Variants in DNAH11 observed in about 807,000 individuals in gnomAD.
DNAH11 encodes the protein axonemal beta dynein heavy chain 11.
DNAH11 carries 442 observed loss-of-function variants against 526.0 expected under a neutral mutation model. The ratio of observed to expected loss-of-function variants is 0.84; its 90% CI spans 0.78 to 0.91. The LOEUF (loss-of-function observed/expected upper bound fraction) is 0.91. Among genes scored for constraint, DNAH11 ranks in the 40% least tolerant of loss-of-function variants. The probability of loss-of-function intolerance (pLI) is 0.00; values close to 1 mark genes in which losing one functional copy is unlikely to be tolerated. For synonymous variants in DNAH11, 2,461 were observed against 1,935.9 expected (o/e 1.27, Z -7.12); for missense variants, 6,989 against 5,448.7 (o/e 1.28, Z -8.90).
Position 21,853,484 on chromosome 7 carries a change from T to A in DNAH11, c.11062-831T>A, listed in dbSNP as rs144071279. On this transcript the variant is annotated intron_variant, in intron 67 of 81. Coordinates refer to ENST00000409508, the MANE Select transcript of DNAH11 (RefSeq NM_001277115.2). The stretch of plus-strand genomic sequence containing the variant: ...AAGTAAATTAACTTAGCTTTGAAGT[T>A]AACTTCTAATTGTCTCTTAAAATGT... Among the ~76,000 whole-genome samples the A allele has an allele frequency of 3.2e-4, 48 of 152,356 alleles. 2 individuals carry two copies. The highest frequency in any genetic ancestry group is 2.5e-3 in the Admixed American group (39 of 15,306).
In DNAH11 at chr7:21,894,893, GC is replaced by G; in HGVS notation, c.12944del (p.Ala4315AspfsTer13). 1 of 1,613,920 alleles carries G rather than the reference GC, an allele frequency of 6.2e-7. No individual in the cohort carries two copies. Among genetic ancestry groups the G allele is most frequent in the Non-Finnish European group, 8.5e-7 (1 of 1,179,862 alleles). On this transcript the variant is annotated frameshift_variant, in exon 79 of 82. Coordinates refer to ENST00000409508, the MANE Select transcript of DNAH11 (RefSeq NM_001277115.2). LOFTEE classifies it high-confidence loss of function. ...TTTTTCTCCATGCAAGGGGGAATTGGCATTATCTCCTGCTGTGGAAGCCCAG... is the reference window on the plus strand; with the variant it reads ...TTTTTCTCCATGCAAGGGGGAATTGGATTATCTCCTGCTGTGGAAGCCCAG... Reference protein sequence around the residue: ...QLDLSLKGELALSPAVEAQQF... With the variant: ...QLDLSLKGELXLSPAVEAQQF...
chr7:21,643,650 C>T (rs1787222464), intron 28 of DNAH11, among the ~76,000 whole-genome samples: 1 of 152,158 alleles, frequency 6.6e-6, no homozygotes, highest in South Asian at 2.1e-4. Flanking sequence ...AATTGGAAAA[C>T]ATTGCGTGTT....
rs1788663672 is a variant in DNAH11 at position 21,795,348 on chromosome 7, A to C, written c.10027-5789A>C. Among the ~76,000 whole-genome samples the C allele has an allele frequency of 3.3e-5, 5 of 152,134 alleles. No homozygotes were observed. The South Asian group carries it at 1.0e-3, about 32-fold the overall frequency. ...GGGATCTGGTACTTTATCATCTGCT[A>C]ATTCTCCCTGTTCTCCTAGATCAAG... On this transcript the variant is annotated intron_variant, in intron 61 of 81. Coordinates refer to ENST00000409508, the MANE Select transcript of DNAH11 (RefSeq NM_001277115.2).
chr7:21,794,512 T>G (rs1280796240), intron 61 of DNAH11, among the ~76,000 whole-genome samples: 1 of 152,166 alleles, frequency 6.6e-6, no homozygotes, highest in African/African-American at 2.4e-5. Context: ...TAGAAATGCT[T>G]GAAGTACTGA....
rs763599044 is a variant in DNAH11, at chr7:21,784,422, A to G, written c.9484-5A>G. Reference sequence around the variant, plus strand: ...CGGGTTTGTGTGCTTTTCCTCTTTAATTAGGTGACAGCCATTCAGACTGAA... The same window carrying G: ...CGGGTTTGTGTGCTTTTCCTCTTTAGTTAGGTGACAGCCATTCAGACTGAA... On this transcript the variant is annotated splice_polypyrimidine_tract_variant and splice_region_variant and intron_variant, in intron 57 of 81. Coordinates refer to ENST00000409508, the MANE Select transcript of DNAH11 (RefSeq NM_001277115.2). 6.2e-7 allele frequency: 1 copy of G among 1,609,354 alleles called. No homozygotes were observed. Among genetic ancestry groups the G allele is most frequent in the Non-Finnish European group, 8.5e-7 (1 of 1,176,820 alleles).
chr7:21,661,625 A>G (rs548813220), intron 30 of DNAH11, among the ~76,000 whole-genome samples: 1 of 152,026 alleles, frequency 6.6e-6, no homozygotes, highest in South Asian at 2.1e-4. Flanking sequence ...CTTGTAGCAT[A>G]TGATTAAGAA....
Position 21,710,637 on chromosome 7 carries a change from A to G in DNAH11, c.6768A>G (p.Ile2256Met). The change falls in exon 41 of 82, where the codon ATA becomes ATG. Residue 2256 changes from isoleucine (I) to methionine (M), a missense_variant. Physicochemically the swap from Ile to Met is conservative, Grantham distance 10. Transcript: ENST00000409508. ...TTAAGCATGATGGACCAAAATGGAT[A>G]GTCCTGGATGGCGATATTGACCCCA... ...ANLKHDGPKWIVLDGDIDPMW... is the reference protein window; with the variant it reads ...ANLKHDGPKWMVLDGDIDPMW... The G allele has an allele frequency of 6.2e-7, 1 of 1,613,482 alleles. No individual in the cohort carries two copies. Among genetic ancestry groups the G allele is most frequent in the South Asian group, 1.1e-5 (1 of 91,022 alleles).
intron 15 of DNAH11, 57 bp downstream of exon 15, chr7:21,600,176 G>T: frequency 7.0e-7 from 1 of 1,429,132 alleles, no homozygotes; most frequent in Non-Finnish European, 9.3e-7. Flanking sequence ...AAAACAAATT[G>T]TGGCTGAGTA....
At chr7:21,802,870 T>C (rs1460822639) in intron 62 of DNAH11, among the ~76,000 whole-genome samples, 1 of 151,732 alleles carries the variant, frequency 6.6e-6, no homozygotes, top group Non-Finnish European at 1.5e-5. Flanking sequence ...TACTACTGGA[T>C]ACATGGTTTC....
chr7:21,751,781 A>G (rs1332888966), intron 54 of DNAH11, among the ~76,000 whole-genome samples: 1 of 152,206 alleles, frequency 6.6e-6, no homozygotes, highest in Non-Finnish European at 1.5e-5. Flanking sequence ...GAAGGTTAGA[A>G]CTTAAGATTC....
At chr7:21,635,370 T>A (rs566032989) in intron 25 of DNAH11, among the ~76,000 whole-genome samples, 51 of 152,132 alleles carry the variant, frequency 3.4e-4, no homozygotes, top group Non-Finnish European at 6.3e-4. Context: ...GTTAGCCAGG[T>A]TGGTCTCAAT....
chr7:21,635,874 C>G lies in DNAH11; in HGVS notation c.4504C>G (p.Gln1502Glu), dbSNP rs774689207. The G allele has an allele frequency of 6.2e-7, 1 of 1,604,598 alleles. No individual in the cohort carries two copies. The highest frequency in any genetic ancestry group is 8.5e-7 in the Non-Finnish European group (1 of 1,175,102). Residue 1502 changes from glutamine (Q) to glutamate (E), a missense_variant, in exon 26 of 82, where the codon CAG (glutamine) becomes GAG (glutamate). Transcript: ENST00000409508. ...LFETLEHNQVQLQTLLQSKYV... is the reference protein window; with the variant it reads ...LFETLEHNQVELQTLLQSKYV... ...AAATTCTTTGCCTTTATTTTAGGTT[C>G]AGTTGCAGACTCTTCTTCAAAGCAA...
intron 43 of DNAH11, among the ~76,000 whole-genome samples, chr7:21,719,734 A>G (rs916858812): frequency 6.6e-6 from 1 of 152,214 alleles, no homozygotes; most frequent in African/African-American, 2.4e-5. Flanking sequence ...GTATTTCCCC[A>G]TCTTCTGTGG....
rs755790841 is a variant in DNAH11 at position 21,899,467 on chromosome 7, C to T, written c.13162+19C>T. 1.9e-5 allele frequency: 31 copies of T among 1,591,074 alleles called. No homozygotes were observed. The highest frequency in any genetic ancestry group is 2.3e-5 in the Non-Finnish European group (27 of 1,161,006). ...TTAACTGGTAAGGGCTGACGCAGTG[C>T]AGCCCCTGATGCACACAGGACCACA... On this transcript the variant is annotated intron_variant, in intron 80 of 81. Transcript: ENST00000409508.
intron 28 of DNAH11, among the ~76,000 whole-genome samples, chr7:21,651,201 G>A (rs1166582152): frequency 6.6e-6 from 1 of 152,100 alleles, no homozygotes; most frequent in Non-Finnish European, 1.5e-5. Context: ...GGCAGGAGTG[G>A]CACTAGGCTT....
chr7:21,641,788 C>T (rs549863328), intron 28 of DNAH11, among the ~76,000 whole-genome samples: 2 of 152,308 alleles, frequency 1.3e-5, no homozygotes, highest in East Asian at 3.9e-4. Context: ...TGAATGTCTC[C>T]TCACCTACCC....
chr7:21,890,629 A>C (rs1000735454), intron 76 of DNAH11, among the ~76,000 whole-genome samples: 1 of 152,158 alleles, frequency 6.6e-6, no homozygotes, highest in African/African-American at 2.4e-5. Flanking sequence ...TTTCTTATTC[A>C]TATTTTGCCC....
At chr7:21,602,900 G>A (rs959942803) in intron 18 of DNAH11, among the ~76,000 whole-genome samples, 3 of 151,420 alleles carry the variant, frequency 2.0e-5, no homozygotes, top group Admixed American at 1.3e-4. Flanking sequence ...TGTACTATTC[G>A]GATAACATAT....
intron 79 of DNAH11, among the ~76,000 whole-genome samples, chr7:21,896,741 A>G (rs979234893): frequency 6.6e-6 from 1 of 151,948 alleles, no homozygotes; most frequent in African/African-American, 2.4e-5. Flanking sequence ...TATATCTTCA[A>G]CTGTCTCCAA....
Sources: allele counts gnomAD v4.1 joint callset (sites outside exome capture counted in the v4.1 genomes callset), GRCh38; gene constraint gnomAD v4.1.1; transcripts MANE v1.5; gene names NCBI Gene and HGNC (gene_info 2026-07-23, HGNC 2026-07-21).